BICC1: variants seen among roughly 807,000 people sequenced by gnomAD.
BICC1 encodes the protein BicC family RNA binding protein 1.
In BICC1, 43 loss-of-function variants were observed where a neutral mutation model predicts 111.0. The ratio of observed to expected loss-of-function variants is 0.39; its 90% CI spans 0.30 to 0.50. BICC1 has a LOEUF of 0.50. Ranked by LOEUF, BICC1 falls within the 20% of genes least tolerant of loss-of-function variation. BICC1 has a pLI of 0.88. For synonymous variants in BICC1, 467 were observed against 434.4 expected (o/e 1.07, Z -0.93); for missense variants, 1,091 against 1,203.2 (o/e 0.91, Z 1.38).
chr10:58,548,746 C>G (rs1004085773), intron 1 of BICC1, among the ~76,000 whole-genome samples: 2 of 152,078 alleles, frequency 1.3e-5, no homozygotes, highest in African/African-American at 4.8e-5. Context: ...TTTTCCTTGG[C>G]TCAACATCAT....
At chr10:58,825,616 A>G (rs1358436891) in intron 20 of BICC1, among the ~76,000 whole-genome samples, 3 of 152,204 alleles carry the variant, frequency 2.0e-5, no homozygotes, top group Non-Finnish European at 4.4e-5. Flanking sequence ...TAACTGTGTT[A>G]TATACAGTAC....
chr10:58,656,915 A>G (rs977842390), intron 2 of BICC1, among the ~76,000 whole-genome samples: 34 of 152,148 alleles, frequency 2.2e-4, no homozygotes, highest in African/African-American at 8.0e-4. Context: ...AATCTTGACA[A>G]TGTCTCCATG....
chr10:58,677,911 T>G (rs2132347820), intron 2 of BICC1, among the ~76,000 whole-genome samples: 1 of 152,188 alleles, frequency 6.6e-6, no homozygotes, highest in East Asian at 1.9e-4. Context: ...TAAAAGAATT[T>G]TCAACCCAGA....
intron 1 of BICC1, among the ~76,000 whole-genome samples, chr10:58,589,459 TAC>T (rs1844533311): frequency 1.5e-5 from 1 of 68,848 alleles, no homozygotes; most frequent in South Asian, 7.8e-4. Flanking sequence ...TATACAGCTT[TAC>T]TTTTTTTTTT....
intron 1 of BICC1, among the ~76,000 whole-genome samples, chr10:58,549,685 T>C (rs943645170): frequency 6.7e-6 from 1 of 150,326 alleles, no homozygotes; most frequent in East Asian, 1.9e-4. Context: ...GTTTGTTTGT[T>C]TTTTTCTTTT....
At chr10:58,709,550 G>A (rs1840507583) in intron 3 of BICC1, among the ~76,000 whole-genome samples, 1 of 152,206 alleles carries the variant, frequency 6.6e-6, no homozygotes, top group African/African-American at 2.4e-5. Context: ...TTCATAGTTG[G>A]CACTCAGTAA....
chr10:58,756,741 T>C (rs1415398941), intron 3 of BICC1, among the ~76,000 whole-genome samples: 6 of 151,158 alleles, frequency 4.0e-5, no homozygotes, highest in African/African-American at 7.3e-5. Flanking sequence ...CAGTTTAATA[T>C]CGAACAAAGG....
At chr10:58,556,207 G>T (rs1354187998) in intron 1 of BICC1, among the ~76,000 whole-genome samples, 2 of 151,940 alleles carry the variant, frequency 1.3e-5, no homozygotes, top group African/African-American at 4.8e-5. Context: ...ATTTTTATTG[G>T]CATGGATGTA....
chr10:58,747,639 T>C (rs761499546), intron 3 of BICC1, among the ~76,000 whole-genome samples: 13 of 152,186 alleles, frequency 8.5e-5, no homozygotes, highest in Non-Finnish European at 1.8e-4. Context: ...CTCTTTCAGT[T>C]ATTTTAAAAT....
At chr10:58,778,617 G>A (rs1254056611) in intron 3 of BICC1, among the ~76,000 whole-genome samples, 2 of 152,100 alleles carry the variant, frequency 1.3e-5, no homozygotes, top group Non-Finnish European at 2.9e-5. Context: ...AGAATGAGGG[G>A]GAGTTCATCT....
At chr10:58,738,712 AC>A (rs1429171535) in intron 3 of BICC1, among the ~76,000 whole-genome samples, 1 of 147,144 alleles carries the variant, frequency 6.8e-6, no homozygotes, top group African/African-American at 2.5e-5. Context: ...GATTCTTCCT[AC>A]CCATGAGCAT....
At chr10:58,640,173 G>T (rs1254135840) in intron 2 of BICC1, among the ~76,000 whole-genome samples, 1 of 152,116 alleles carries the variant, frequency 6.6e-6, no homozygotes, top group Admixed American at 6.5e-5. Flanking sequence ...AAAAGATTGG[G>T]TTGGAAAAAG....
At chr10:58,790,599 G>A (rs1589140996) in intron 8 of BICC1, among the ~76,000 whole-genome samples, 1 of 152,208 alleles carries the variant, frequency 6.6e-6, no homozygotes, top group East Asian at 1.9e-4. Flanking sequence ...AGGCCAAGGT[G>A]GGCAGATCAC....
intron 1 of BICC1, among the ~76,000 whole-genome samples, chr10:58,589,474 T>TG (rs1844534925): frequency 6.7e-6 from 1 of 148,568 alleles, no homozygotes. Flanking sequence ...TTTTTTTTTT[T>TG]AGTTTTTAAT....
At chr10:58,635,214 G>A (rs1837918839) in intron 2 of BICC1, among the ~76,000 whole-genome samples, 1 of 152,200 alleles carries the variant, frequency 6.6e-6, no homozygotes, top group Admixed American at 6.5e-5. Context: ...TCCATGGTAA[G>A]ATAAGTTTGA....
At chr10:58,674,657 G>T (rs989129730) in intron 2 of BICC1, among the ~76,000 whole-genome samples, 2 of 152,124 alleles carry the variant, frequency 1.3e-5, no homozygotes, top group Admixed American at 6.6e-5. Context: ...TATCATAAGA[G>T]GTGATATAGC....
intron 1 of BICC1, among the ~76,000 whole-genome samples, chr10:58,560,936 T>C (rs1260629271): frequency 6.6e-6 from 1 of 152,080 alleles, no homozygotes; most frequent in African/African-American, 2.4e-5. Context: ...AGGTTGAGGC[T>C]TGTTTTTGGG....
At chr10:58,655,399 ATCC>A in intron 2 of BICC1, among the ~76,000 whole-genome samples, 11 of 111,470 alleles carry the variant, frequency 9.9e-5, no homozygotes, top group Non-Finnish European at 1.8e-4. Context: ...GGTCCTTCAC[ATCC>A]CTTGTAAGTT....
At chr10:58,640,110 T>C (rs1838079464) in intron 2 of BICC1, among the ~76,000 whole-genome samples, 1 of 152,146 alleles carries the variant, frequency 6.6e-6, no homozygotes, top group Admixed American at 6.5e-5. Context: ...TTTTTATTCT[T>C]TTTTTTCTGA....
Sources: allele counts gnomAD v4.1 joint callset (sites outside exome capture counted in the v4.1 genomes callset), GRCh38; gene constraint gnomAD v4.1.1; transcripts MANE v1.5; gene names NCBI Gene and HGNC (gene_info 2026-07-23, HGNC 2026-07-21).